TUBGCP3: variants seen among roughly 807,000 people sequenced by gnomAD.
TUBGCP3 encodes gamma-tubulin complex component 3.
In TUBGCP3, 50 loss-of-function variants were observed where a neutral mutation model predicts 123.1. The observed-to-expected ratio is 0.41, with a 90% CI of 0.32 to 0.51. The LOEUF is 0.51. Among genes scored for constraint, TUBGCP3 ranks in the 20% least tolerant of loss-of-function variants. The pLI, the probability that TUBGCP3 is intolerant of heterozygous loss-of-function variation, is 0.36. For synonymous variants in TUBGCP3, 405 were observed against 413.9 expected, an observed-to-expected ratio of 0.98 and a Z score of 0.26; for missense variants, 882 against 1,127.0, an observed-to-expected ratio of 0.78 and a Z score of 3.11.
chr13:112,578,558 CAAAAAAAA>C (rs71131496), intron 1 of TUBGCP3, among the ~76,000 whole-genome samples: 384 of 24,898 alleles, frequency 0.015, 3 homozygotes, highest in African/African-American at 0.054. Context: ...GACTCCGTCT[CAAAAAAAA>C]AAAAAAAAAA....
At position 112,569,282 on chromosome 13, in the gene TUBGCP3, CG is replaced by C. The variant is rs750991557; in HGVS notation, c.77-24del. ...CAGCTGAAAGACAAACAAAAGGATGCGGATTGTTACCAACCAGGTTACGTTC... is the reference window on the plus strand; with the variant it reads ...CAGCTGAAAGACAAACAAAAGGATGCGATTGTTACCAACCAGGTTACGTTC... On this transcript the variant is annotated intron_variant, in intron 1 of 21. Coordinates refer to ENST00000261965, the MANE Select transcript of TUBGCP3 (RefSeq NM_006322.6). The C allele has an allele frequency of 7.3e-5, 117 of 1,610,948 alleles. No homozygotes were observed. The Middle Eastern group carries it at 1.8e-3, about 25-fold the overall frequency.
intron 16 of TUBGCP3, among the ~76,000 whole-genome samples, chr13:112,518,713 T>C (rs1464701355): frequency 1.3e-5 from 2 of 152,240 alleles, no homozygotes; most frequent in Non-Finnish European, 2.9e-5. Context: ...GAACAGTCCA[T>C]TTATTAAGGA....
chr13:112,558,230 C>T lies in TUBGCP3; in HGVS notation c.514G>A (p.Gly172Ser). The part of the protein sequence containing the change: ...ISSIGLCALS[G>S]PAPAPQSLLP... Reference sequence around the variant, plus strand: ...AGAGATTGTGGCGCAGGCGCGGGGCCACTGAGGGCACACAGGCCAATGCTG... The same window carrying T: ...AGAGATTGTGGCGCAGGCGCGGGGCTACTGAGGGCACACAGGCCAATGCTG... The change falls in exon 5 of 22, where the codon GGC becomes AGC. Residue 172 changes from glycine to serine, a missense_variant. By Grantham distance (56) the Gly-to-Ser change is moderately conservative. Transcript: ENST00000261965. The T allele has an allele frequency of 6.2e-7, 1 of 1,612,058 alleles. No individual in the cohort carries two copies.
In TUBGCP3 at chr13:112,503,658, G is replaced by A. The variant is rs59117542; in HGVS notation, c.2307+374C>T. Reference sequence around the variant, plus strand: ...GCTGGGATTACAAGCATGAGCCACTGCGCCCGGCCTGTTTTGTTCTTATAT... The same window carrying A: ...GCTGGGATTACAAGCATGAGCCACTACGCCCGGCCTGTTTTGTTCTTATAT... On this transcript the variant is annotated intron_variant, in intron 19 of 21. Coordinates refer to ENST00000261965, the MANE Select transcript of TUBGCP3 (RefSeq NM_006322.6). Among the ~76,000 whole-genome samples, 1,485 of 152,272 alleles carry A rather than the reference G, an allele frequency of 9.8e-3. 22 individuals carry two copies. The highest frequency in any genetic ancestry group is 0.034 in the African/African-American group (1,412 of 41,542).
chr13:112,569,968 AGTTCCCACT>A (rs1881274703), intron 1 of TUBGCP3, among the ~76,000 whole-genome samples: 1 of 152,148 alleles, frequency 6.6e-6, no homozygotes, highest in East Asian at 1.9e-4. Flanking sequence ...AAGAAATAAC[AGTTCCCACT>A]GCAGAGCCCA....
chr13:112,522,240 A>T, intron 14 of TUBGCP3, 80 bp downstream of exon 14: 1 of 1,179,342 alleles, frequency 8.5e-7, no homozygotes, highest in Non-Finnish European at 1.1e-6. Context: ...TTCTTTTAAT[A>T]TAATTTATTC....
At position 112,499,146 on chromosome 13, in the gene TUBGCP3, T is replaced by C; in HGVS notation, c.2347A>G (p.Ile783Val). The C allele has an allele frequency of 1.2e-6, 2 of 1,613,866 alleles. No individual in the cohort carries two copies. Among genetic ancestry groups the C allele is most frequent in the Non-Finnish European group, 1.7e-6 (2 of 1,179,936 alleles). ...NQLRAVFDQI[I>V]ELQNAQDAIY... ...GCATCTTGAGCATTCTGAAGTTCAATAATTTGATCAAACACAGCTCTAAGT... is the reference window on the plus strand; with the variant it reads ...GCATCTTGAGCATTCTGAAGTTCAACAATTTGATCAAACACAGCTCTAAGT... The change falls in exon 20 of 22, where the codon ATT (isoleucine) becomes GTT (valine). Residue 783 changes from isoleucine (I) to valine (V), a missense_variant. Transcript: ENST00000261965.
chr13:112,519,122 T>A lies in TUBGCP3; in HGVS notation c.1882-79A>T. Reference sequence around the variant, plus strand: ...ACTTGTTAACGCAAAGAAAAAGCAGTAAAATAATGCCCAATTGTTAAAAAC... The same window carrying A: ...ACTTGTTAACGCAAAGAAAAAGCAGAAAAATAATGCCCAATTGTTAAAAAC... On this transcript the variant is annotated intron_variant, in intron 15 of 21. Transcript: ENST00000261965. The surrounding 1 kb of genome is among the most constrained non-coding windows in gnomAD (Gnocchi z 6.2). 1 of 1,154,788 alleles carries A rather than the reference T, an allele frequency of 8.7e-7. No homozygotes were observed. The highest frequency in any genetic ancestry group is 1.3e-6 in the Non-Finnish European group (1 of 766,894). 71.5% of individuals were successfully genotyped at this position (1,154,788 alleles called of 1,614,324 possible).
rs886993793 is a variant in TUBGCP3 at position 112,543,803 on chromosome 13, G to A, written c.1335+1896C>T. Among the ~76,000 whole-genome samples the A allele has an allele frequency of 2.0e-5, 3 of 151,992 alleles. No homozygotes were observed. In the East Asian group the frequency reaches 5.8e-4, roughly 29 times the overall value. ...TTAAAAGATATAATTTTTTAAAAGA[G>A]CAATTCCATATATAAAAATTTGAAA... On this transcript the variant is annotated intron_variant, in intron 11 of 21. Coordinates refer to ENST00000261965, the MANE Select transcript of TUBGCP3 (RefSeq NM_006322.6).
upstream of TUBGCP3, among the ~76,000 whole-genome samples, chr13:112,589,646 C>CA (rs897968783): frequency 2.0e-5 from 3 of 152,044 alleles, no homozygotes; most frequent in Non-Finnish European, 4.4e-5. Context: ...AGTCAGCCCA[C>CA]AAAAAAATGG....
At chr13:112,580,493 C>T (rs2139322942) in intron 1 of TUBGCP3, among the ~76,000 whole-genome samples, 1 of 151,996 alleles carries the variant, frequency 6.6e-6, no homozygotes, top group African/African-American at 2.4e-5. Context: ...CTGTCACTAG[C>T]TTTGAAAAAA....
intron 13 of TUBGCP3, among the ~76,000 whole-genome samples, chr13:112,526,212 CCAT>C (rs368226140): frequency 6.2e-5 from 9 of 145,704 alleles, no homozygotes; most frequent in African/African-American, 1.5e-4. Flanking sequence ...ATCATCACCA[CCAT>C]CATCACCACC....
chr13:112,525,496 T>C (rs1310594718), intron 13 of TUBGCP3, among the ~76,000 whole-genome samples: 1 of 152,242 alleles, frequency 6.6e-6, no homozygotes, highest in Non-Finnish European at 1.5e-5. Flanking sequence ...ATTGTCTCTT[T>C]CCTGTAGCTA....
At position 112,524,186 on chromosome 13, in the gene TUBGCP3, C is replaced by A. The variant is rs567280104; in HGVS notation, c.1556-1677G>T. On this transcript the variant is annotated intron_variant, in intron 13 of 21. Coordinates refer to ENST00000261965, the MANE Select transcript of TUBGCP3 (RefSeq NM_006322.6). The surrounding 1 kb of genome is among the most constrained non-coding windows in gnomAD (Gnocchi z 4.4). The stretch of plus-strand genomic sequence containing the variant: ...TAACCTACACACATCTTCCCATATA[C>A]GGTAAATCATCTCTAAATTACTTAT... Among the ~76,000 whole-genome samples, 7 of 152,318 alleles carry A rather than the reference C, an allele frequency of 4.6e-5. No homozygotes were observed. The highest frequency in any genetic ancestry group is 1.7e-4 in the African/African-American group (7 of 41,562).
chr13:112,598,798 G>C, the TUBGCP3 span, among the ~76,000 whole-genome samples: 1 of 151,934 alleles, frequency 6.6e-6, no homozygotes, highest in Non-Finnish European at 1.5e-5. Context: ...CAAAAAATTA[G>C]CCGGGCATCG....
chr13:112,501,423 C>T (rs1880898039), intron 19 of TUBGCP3, among the ~76,000 whole-genome samples: 1 of 152,192 alleles, frequency 6.6e-6, no homozygotes, highest in Non-Finnish European at 1.5e-5. Flanking sequence ...GGCAATCTGT[C>T]CACACAGGGC....
At chr13:112,580,532 C>T (rs1381691834) in intron 1 of TUBGCP3, among the ~76,000 whole-genome samples, 1 of 152,002 alleles carries the variant, frequency 6.6e-6, no homozygotes, top group Non-Finnish European at 1.5e-5. Context: ...AGGAAAAGTC[C>T]TCAGATTGAA....
intron 8 of TUBGCP3, among the ~76,000 whole-genome samples, chr13:112,548,532 A>G (rs1879264395): frequency 6.6e-6 from 1 of 152,224 alleles, no homozygotes; most frequent in Non-Finnish European, 1.5e-5. Context: ...AGAAACTACC[A>G]TCAGAGTCAA....
chr13:112,537,127 CTTTTTTTTT>C (rs58140098), intron 11 of TUBGCP3, among the ~76,000 whole-genome samples: 4 of 78,128 alleles, frequency 5.1e-5, no homozygotes, highest in Non-Finnish European at 8.1e-5. Flanking sequence ...TACCTTTTTC[CTTTTTTTTT>C]TTTTTTTTTT....
Sources: allele counts gnomAD v4.1 joint callset (sites outside exome capture counted in the v4.1 genomes callset), GRCh38; gene constraint gnomAD v4.1.1; non-coding constraint Gnocchi (gnomAD v3.1); transcripts MANE v1.5; gene names NCBI Gene and HGNC (gene_info 2026-07-23, HGNC 2026-07-21).